KCNH2: variants seen among roughly 807,000 people sequenced by gnomAD.
KCNH2 encodes potassium voltage-gated channel subfamily H member 2.
Under a neutral mutation model 95.9 loss-of-function variants are expected in KCNH2, and 35 were observed. The ratio of observed to expected loss-of-function variants is 0.37; its 90% confidence interval spans 0.28 to 0.48. The LOEUF is 0.48. KCNH2 is among the 20% of genes least tolerant of loss of function. The probability of loss-of-function intolerance (pLI) is 0.99; values close to 1 mark genes in which losing one functional copy is unlikely to be tolerated. For missense variants in KCNH2, 1,274 were observed against 1,702.9 expected, an observed-to-expected ratio of 0.75 and a Z score of 4.43; for synonymous variants, 786 against 754.7, an observed-to-expected ratio of 1.04 and a Z score of -0.68.
intron 2 of KCNH2, among the ~76,000 whole-genome samples, chr7:150,970,299 A>G (rs1022580905): frequency 5.0e-5 from 6 of 119,884 alleles, no homozygotes; most frequent in Admixed American, 1.8e-4. Flanking sequence ...CTGCTGCCCC[A>G]TGGCCCCCCT....
chr7:150,956,195 G>A (rs530970018), intron 5 of KCNH2, among the ~76,000 whole-genome samples: 7 of 152,322 alleles, frequency 4.6e-5, no homozygotes, highest in African/African-American at 1.4e-4. Flanking sequence ...CAGATGCCAG[G>A]GGCTCAGGTG....
At position 150,957,058 on chromosome 7, in the gene KCNH2, T is replaced by C. The variant is rs41314402; in HGVS notation, c.1128+233A>G. Among the ~76,000 whole-genome samples the C allele has an allele frequency of 0.02, 3,051 of 152,180 alleles. 94 individuals carry two copies. Among genetic ancestry groups the C allele is most frequent in the African/African-American group, 0.069 (2,858 of 41,498 alleles). Reference sequence around the variant, plus strand: ...CATCCACCCGACCTCCGCTCTGCCATTCCCAGCCCTTTACCAGACCTCTCC... The same window carrying C: ...CATCCACCCGACCTCCGCTCTGCCACTCCCAGCCCTTTACCAGACCTCTCC... On this transcript the variant is annotated intron_variant, in intron 5 of 14. Coordinates refer to ENST00000262186, the MANE Select transcript of KCNH2 (RefSeq NM_000238.4).
intron 2 of KCNH2, among the ~76,000 whole-genome samples, chr7:150,969,169 G>A (rs1361058109): frequency 6.6e-6 from 1 of 152,202 alleles, no homozygotes; most frequent in Non-Finnish European, 1.5e-5. Flanking sequence ...AGCTAGGCTC[G>A]GGTTCCCACT....
At position 150,951,196 on chromosome 7, in the gene KCNH2, G is replaced by A. The variant is rs942551390; in HGVS notation, c.1946-76C>T. ...CCCACAGGGACCCTGCTCAGGCCCC[G>A]CACCAGGTCAGTGTCTCAGTCTCAG... is the stretch of plus-strand genomic sequence containing the variant. On this transcript the variant is annotated intron_variant, in intron 7 of 14. Coordinates refer to ENST00000262186, the MANE Select transcript of KCNH2 (RefSeq NM_000238.4). 48 of 1,296,440 alleles carry A rather than the reference G, an allele frequency of 3.7e-5. No individual in the cohort carries two copies. The Admixed American group carries it at 5.7e-4, about 15-fold the overall frequency. The allele number at this position is 1,296,440 out of a possible 1,614,324, so 80.3% of individuals were successfully genotyped here. A position where few individuals can be genotyped will look rare whatever the true frequency, so the allele number is the denominator to read the frequency against.
chr7:150,968,211 A>AGT (rs1318195762), intron 2 of KCNH2, among the ~76,000 whole-genome samples: 1 of 152,192 alleles, frequency 6.6e-6, no homozygotes, highest in Non-Finnish European at 1.5e-5. Context: ...TACTTAGTTA[A>AGT]GTGTCCACAT....
At chr7:150,965,525 G>A (rs1056123852) in intron 2 of KCNH2, among the ~76,000 whole-genome samples, 12 of 152,250 alleles carry the variant, frequency 7.9e-5, no homozygotes, top group African/African-American at 2.6e-4. Flanking sequence ...GCACAGGCGC[G>A]TGAGTCCCGG....
intron 2 of KCNH2, among the ~76,000 whole-genome samples, chr7:150,970,014 G>A (rs958424029): frequency 2.6e-5 from 4 of 151,344 alleles, no homozygotes; most frequent in Non-Finnish European, 4.4e-5. Flanking sequence ...TGCCCACGTC[G>A]GGAGGGAAGT....
At chr7:150,977,786 G>A in intron 1 of KCNH2, 52 bp downstream of exon 1, 1 of 1,235,658 alleles carries the variant, frequency 8.1e-7, no homozygotes, top group Non-Finnish European at 1.1e-6. Flanking sequence ...ACTCGGAAGA[G>A]CTCGGCCCGC....
At chr7:150,960,290 T>A (rs948309476) in intron 2 of KCNH2, among the ~76,000 whole-genome samples, 1 of 152,268 alleles carries the variant, frequency 6.6e-6, no homozygotes, top group Non-Finnish European at 1.5e-5. Context: ...CTTTTTAAAA[T>A]TTTTTAACTT....
intron 7 of KCNH2, 141 bp downstream of exon 7, chr7:150,951,307 C>A: frequency 8.2e-7 from 1 of 1,213,366 alleles, no homozygotes; most frequent in Non-Finnish European, 1.2e-6. Context: ...TGACCCAGCC[C>A]CCAAACCATG....
Position 150,951,852 on chromosome 7 carries a change from G to A in KCNH2, c.1558-17C>T, listed in dbSNP as rs778591728. 14 of 1,554,952 alleles carry A rather than the reference G, an allele frequency of 9.0e-6. No individual in the cohort carries two copies. Among genetic ancestry groups the A allele is most frequent in the Middle Eastern group, 1.7e-4 (1 of 5,748 alleles). On this transcript the variant is annotated splice_polypyrimidine_tract_variant and intron_variant, in intron 6 of 14. Transcript: ENST00000262186. ...CCCGATCAGCTGGGGGACAGGGAAG[G>A]GGCACATTCCGTTGATGGGGCAAGG...
Position 150,947,912 on chromosome 7 carries a change from G to A in KCNH2, c.2693-34C>T, listed in dbSNP as rs763951171. ...AACAGAGAATGGGCCTCAGAGAGGG[G>A]AGGAGAACAGAGAGGAGGGGGCGAG... On this transcript the variant is annotated intron_variant, in intron 11 of 14. Coordinates refer to ENST00000262186, the MANE Select transcript of KCNH2 (RefSeq NM_000238.4). 13 of 1,525,702 alleles carry A rather than the reference G, an allele frequency of 8.5e-6. 1 individual carries two copies. The South Asian group carries it at 1.3e-4, about 16-fold the overall frequency. 94.5% of individuals were successfully genotyped at this position (1,525,702 alleles called of 1,614,324 possible). A position where few individuals can be genotyped will look rare whatever the true frequency, so the allele number is the denominator to read the frequency against.
chr7:150,946,827 CG>C lies in KCNH2; in HGVS notation c.3330+49del, dbSNP rs766532760. On this transcript the variant is annotated intron_variant, in intron 14 of 14. Coordinates refer to ENST00000262186, the MANE Select transcript of KCNH2 (RefSeq NM_000238.4). The surrounding 1 kb of genome is among the most constrained non-coding windows in gnomAD (Gnocchi z 6.5). The stretch of plus-strand genomic sequence containing the variant: ...CAGCAAAGCAGGTTTGGGCTGGAAT[CG>C]GGGAACAAGCGGGTCACGGTACATC... 5.9e-6 allele frequency: 9 copies of C among 1,536,770 alleles called. No homozygotes were observed. Among genetic ancestry groups the C allele is most frequent in the Non-Finnish European group, 8.0e-6 (9 of 1,125,058 alleles).
intron 7 of KCNH2, 47 bp downstream of exon 7, chr7:150,951,401 T>C: frequency 6.2e-7 from 1 of 1,610,148 alleles, no homozygotes. Context: ...CAACTTGGGT[T>C]CCTCCACCGT....
intron 7 of KCNH2, 154 bp from the exon 8 acceptor site, chr7:150,951,274 C>A: frequency 9.8e-7 from 1 of 1,020,190 alleles, no homozygotes; most frequent in South Asian, 1.4e-5. Context: ...GCACACCCCA[C>A]CCTTCAGTAG....
At chr7:150,955,270 C>G in intron 5 of KCNH2, 1 of 981,014 alleles carries the variant, frequency 1.0e-6, no homozygotes, top group Non-Finnish European at 1.6e-6. Flanking sequence ...GGCCAGGCCC[C>G]ACGGCTCCCA....
chr7:150,970,084 G>A (rs1801800461), intron 2 of KCNH2, among the ~76,000 whole-genome samples: 1 of 152,146 alleles, frequency 6.6e-6, no homozygotes, highest in Admixed American at 6.5e-5. Context: ...CTGGGAGGGG[G>A]CAATGAGAGA....
Position 150,948,431 on chromosome 7 carries a change from T to TCC in KCNH2, c.2692+11_2692+12dup. The TCC allele has an allele frequency of 1.9e-6, 1 of 530,538 alleles. No homozygotes were observed. The highest frequency in any genetic ancestry group is 2.1e-5 in the South Asian group (1 of 47,012). The allele number at this position is 530,538 out of a possible 1,614,324, so 32.9% of individuals were successfully genotyped here. A position where few individuals can be genotyped will look rare whatever the true frequency, so the allele number is the denominator to read the frequency against. ...GTCCCCGCCCTCCCCCTTCCTCCCCTCCCCCGCCTCACCCTTGTCCGTGCG... is the reference window on the plus strand; with the variant it reads ...GTCCCCGCCCTCCCCCTTCCTCCCCTCCCCCCCGCCTCACCCTTGTCCGTGCG... On this transcript the variant is annotated intron_variant, in intron 11 of 14. Coordinates refer to ENST00000262186, the MANE Select transcript of KCNH2 (RefSeq NM_000238.4).
Position 150,948,466 on chromosome 7 carries a change from GGA to G in KCNH2, c.2668_2669del (p.Ser890LeufsTer29). On this transcript the variant is annotated frameshift_variant, in exon 11 of 15. Transcript: ENST00000262186. LOFTEE classifies it high-confidence loss of function. ...GFSRQRKRKLSFRRRTDKDTE... is the reference protein window; with the variant it reads ...GFSRQRKRKLXFRRRTDKDTE... ...CACCCTTGTCCGTGCGCCTGCGGAA[GGA>G]CAACTTGCGCTTGCGTTGCCGACTG... The G allele has an allele frequency of 1.3e-6, 2 of 1,547,820 alleles. No homozygotes were observed. Among genetic ancestry groups the G allele is most frequent in the Non-Finnish European group, 1.8e-6 (2 of 1,141,440 alleles).
Sources: gnomAD v4.1 joint callset for allele counts (sites outside exome capture counted in the v4.1 genomes callset) on GRCh38, gnomAD v4.1.1 for gene constraint, Gnocchi (gnomAD v3.1) non-coding constraint, MANE v1.5 for transcripts, NCBI Gene and HGNC (gene_info 2026-07-23, HGNC 2026-07-21) for gene names.